Variants in EXOC1L observed in about 807,000 individuals in gnomAD.
EXOC1L encodes the protein exocyst complex component 1 like, also known as exocyst complex component 1-like.
A neutral mutation model predicts 4.9 loss-of-function variants in EXOC1L; 10 were observed. The observed-to-expected ratio is 2.02, with a 90% CI of 1.25 to 3.43. The LOEUF (loss-of-function observed/expected upper bound fraction) is 3.43, where lower values mean the gene tolerates loss of function less well. EXOC1L is among the 30% of genes most tolerant of loss of function. The probability of loss-of-function intolerance (pLI) is 0.00; values close to 1 mark genes in which losing one functional copy is unlikely to be tolerated. For synonymous variants in EXOC1L, 41 were observed against 20.8 expected (o/e 1.97, Z -2.63); for missense variants, 114 against 59.4 (o/e 1.92, Z -3.02).
At chr4:55,825,515 C>T (rs1719856098) in intron 1 of EXOC1L, among the ~76,000 whole-genome samples, 1 of 152,110 alleles carries the variant, frequency 6.6e-6, no homozygotes, top group African/African-American at 2.4e-5. Context: ...AATTACTATG[C>T]AATATTACTT....
Position 55,837,205 on chromosome 4 carries a change from G to A in EXOC1L, c.373G>A (p.Asp125Asn), listed in dbSNP as rs967395514. The A allele has an allele frequency of 7.1e-6, 5 of 701,894 alleles. No homozygotes were observed. Among genetic ancestry groups the A allele is most frequent in the African/African-American group, 5.2e-5 (3 of 57,182 alleles). The allele number at this position is 701,894 out of a possible 1,614,324, so 43.5% of individuals were successfully genotyped here. Residue 125 changes from aspartate to asparagine, a missense_variant, in exon 3 of 3, where the codon GAC (aspartate) becomes AAC (asparagine). Asp to Asn is a conservative substitution (Grantham distance 23). Transcript: ENST00000636125. The part of the protein sequence containing the change: ...NKLNHAYLKK[D>N]LQIVNFDSTY... ...GCTGAATCATGCATATCTTAAAAAG[G>A]ACTTACAGATCGTGAACTTTGATTC...
chr4:55,834,108 CATT>C (rs1720103062), intron 2 of EXOC1L, among the ~76,000 whole-genome samples: 1 of 151,762 alleles, frequency 6.6e-6, no homozygotes, highest in African/African-American at 2.4e-5. Flanking sequence ...TAATAATTTA[CATT>C]ATTACATGTT....
rs1202699962 is a variant in EXOC1L, at chr4:55,837,374, T to A, written c.*23T>A. ...TGAAGCTGTGTACCACATTCCTTCA[T>A]CAGTGACCTATGAAAATGGTTTCCC... On this transcript the variant is annotated 3_prime_UTR_variant, in exon 3 of 3. Coordinates refer to ENST00000636125, the MANE Select transcript of EXOC1L (RefSeq NM_001351574.3). 2.7e-5 allele frequency: 12 copies of A among 451,806 alleles called. No individual in the cohort carries two copies. The highest frequency in any genetic ancestry group is 3.9e-6 in the Non-Finnish European group (1 of 254,496). 28.0% of individuals were successfully genotyped at this position (451,806 alleles called of 1,614,324 possible). A position where few individuals can be genotyped will look rare whatever the true frequency, so the allele number is the denominator to read the frequency against.
chr4:55,827,240 G>C (rs912259491), intron 1 of EXOC1L, among the ~76,000 whole-genome samples: 2 of 152,114 alleles, frequency 1.3e-5, no homozygotes, highest in African/African-American at 4.8e-5. Context: ...TGCTTTTAAT[G>C]ACTTAAAAGT....
At chr4:55,821,060 C>T (rs1719725456) in intron 1 of EXOC1L, among the ~76,000 whole-genome samples, 2 of 152,160 alleles carry the variant, frequency 1.3e-5, no homozygotes, top group Non-Finnish European at 2.9e-5. Context: ...TTTCAGAAAA[C>T]AACTTCTTAT....
At chr4:55,820,981 C>G (rs980382279) in intron 1 of EXOC1L, among the ~76,000 whole-genome samples, 7 of 152,080 alleles carry the variant, frequency 4.6e-5, no homozygotes, top group Non-Finnish European at 8.8e-5. Flanking sequence ...ACTTTTCAGG[C>G]GTTTAGGAGA....
intron 2 of EXOC1L, among the ~76,000 whole-genome samples, chr4:55,833,318 ATATT>A (rs1294942402): frequency 3.9e-5 from 6 of 152,004 alleles, no homozygotes; most frequent in Middle Eastern, 3.4e-3. Flanking sequence ...TCAATTTTGC[ATATT>A]TAGTTTGTCA....
rs543898804 is a variant in EXOC1L at position 55,830,971 on chromosome 4, T to G, written c.122-363T>G. ...CATAAATTAAAATTCCAACGTGTTCTGATAAACACTTGGCACTGACTGTAT... is the reference window on the plus strand; with the variant it reads ...CATAAATTAAAATTCCAACGTGTTCGGATAAACACTTGGCACTGACTGTAT... On this transcript the variant is annotated intron_variant, in intron 1 of 2. Transcript: ENST00000636125. Among the ~76,000 whole-genome samples, 115 of 152,322 alleles carry G rather than the reference T, an allele frequency of 7.5e-4. 1 individual carries two copies. Among genetic ancestry groups the G allele is most frequent in the African/African-American group, 2.6e-3 (110 of 41,576 alleles).
rs993877344 is a variant in EXOC1L at position 55,820,138 on chromosome 4, T to C, written c.112T>C (p.Cys38Arg). ...CTCCGTCCAGGACAGGTATTACCTC[T>C]GTGTGTCAGGTAATCTGTTCCTTCT... ...EFSVQDRYYLCVSVTKKEEVK... is the reference protein window; with the variant it reads ...EFSVQDRYYLRVSVTKKEEVK... Residue 38 changes from cysteine (C) to arginine (R), a missense_variant, in exon 1 of 3, where the codon TGT (cysteine) becomes CGT (arginine). Physicochemically the swap from Cys to Arg is radical, Grantham distance 180. Coordinates refer to ENST00000636125, the MANE Select transcript of EXOC1L (RefSeq NM_001351574.3). The C allele has an allele frequency of 2.5e-6, 1 of 398,832 alleles. No individual in the cohort carries two copies. Among genetic ancestry groups the C allele is most frequent in the Non-Finnish European group, 4.4e-6 (1 of 226,034 alleles). 24.7% of individuals were successfully genotyped at this position (398,832 alleles called of 1,614,324 possible). A position where few individuals can be genotyped will look rare whatever the true frequency, so the allele number is the denominator to read the frequency against.
chr4:55,824,643 G>A lies in EXOC1L; in HGVS notation c.121+4496G>A, dbSNP rs1047715524. On this transcript the variant is annotated intron_variant, in intron 1 of 2. Transcript: ENST00000636125. ...CCCAAAGTGCTGGGATTACAAGCAT[G>A]AGCCACCACACCCAGCCCTATGCAG... Among the ~76,000 whole-genome samples the A allele has an allele frequency of 3.3e-5, 5 of 152,178 alleles. No individual in the cohort carries two copies. In the South Asian group the frequency reaches 1.0e-3, roughly 32 times the overall value.
At chr4:55,825,333 TG>T (rs1350185004) in intron 1 of EXOC1L, among the ~76,000 whole-genome samples, 3 of 152,218 alleles carry the variant, frequency 2.0e-5, no homozygotes, top group Admixed American at 2.0e-4. Flanking sequence ...TAAGAGTAGA[TG>T]CTTTTCTTAA....
rs150867883 is a variant in EXOC1L at position 55,825,841 on chromosome 4, G to A, written c.122-5493G>A. Reference sequence around the variant, plus strand: ...CACACTTCTAATCCCAGCACTTTGGGAGGTCGAGGTGAGCATCCAGATCAC... The same window carrying A: ...CACACTTCTAATCCCAGCACTTTGGAAGGTCGAGGTGAGCATCCAGATCAC... On this transcript the variant is annotated intron_variant, in intron 1 of 2. Transcript: ENST00000636125. 1.0e-2 allele frequency among the ~76,000 whole-genome samples: 1,518 copies of A among 152,142 alleles called. 99 individuals are homozygous for A. The highest frequency in any genetic ancestry group is 0.092 in the Admixed American group (1,408 of 15,262).
chr4:55,819,989 C>CT lies in EXOC1L; in HGVS notation c.-36dup, dbSNP rs535021624. The CT allele has an allele frequency of 5.0e-4, 200 of 398,822 alleles. 5 individuals carry two copies. In the South Asian group the frequency reaches 0.011, roughly 23 times the overall value. 24.7% of individuals were successfully genotyped at this position (398,822 alleles called of 1,614,324 possible). A position where few individuals can be genotyped will look rare whatever the true frequency, so the allele number is the denominator to read the frequency against. On this transcript the variant is annotated 5_prime_UTR_variant, in exon 1 of 3. Coordinates refer to ENST00000636125, the MANE Select transcript of EXOC1L (RefSeq NM_001351574.3). ...GAGCAAAAGGAGAGGAAAGAGTGAG[C>CT]TTGAGCCAAGACATCAGGCCAAGTG...
intron 2 of EXOC1L, among the ~76,000 whole-genome samples, chr4:55,835,004 A>G (rs1411549440): frequency 6.6e-6 from 1 of 151,640 alleles, no homozygotes; most frequent in South Asian, 2.1e-4. Context: ...TTGAGTCCCC[A>G]AAGTCCATTG....
At chr4:55,827,059 C>G (rs1370173281) in intron 1 of EXOC1L, among the ~76,000 whole-genome samples, 1 of 152,118 alleles carries the variant, frequency 6.6e-6, no homozygotes, top group Non-Finnish European at 1.5e-5. Flanking sequence ...TCTGTCCATT[C>G]ACTTTAAATC....
intron 2 of EXOC1L, among the ~76,000 whole-genome samples, chr4:55,836,230 T>G (rs1720157382): frequency 6.6e-6 from 1 of 151,918 alleles, no homozygotes; most frequent in African/African-American, 2.4e-5. Flanking sequence ...CCTCCACTTC[T>G]CCTTTCTTAG....
chr4:55,824,305 A>G (rs908660165), intron 1 of EXOC1L, among the ~76,000 whole-genome samples: 14 of 151,800 alleles, frequency 9.2e-5, no homozygotes, highest in African/African-American at 3.4e-4. Flanking sequence ...ACACACAAAC[A>G]CAAAATGCAT....
Position 55,819,969 on chromosome 4 carries a change from A to G in EXOC1L, c.-58A>G, listed in dbSNP as rs1289071594. The G allele has an allele frequency of 7.5e-6, 3 of 398,006 alleles. No homozygotes were observed. Among genetic ancestry groups the G allele is most frequent in the Non-Finnish European group, 1.3e-5 (3 of 225,620 alleles). 24.7% of individuals were successfully genotyped at this position (398,006 alleles called of 1,614,324 possible). A position where few individuals can be genotyped will look rare whatever the true frequency, so the allele number is the denominator to read the frequency against. On this transcript the variant is annotated 5_prime_UTR_variant, in exon 1 of 3. Transcript: ENST00000636125. ...ACCCAAACGAGAAATCTAGGGAGCA[A>G]AAGGAGAGGAAAGAGTGAGCTTGAG...
chr4:55,824,011 G>T (rs755883822), intron 1 of EXOC1L, among the ~76,000 whole-genome samples: 7 of 151,940 alleles, frequency 4.6e-5, no homozygotes, highest in South Asian at 2.1e-4. Context: ...ATGAAAAGAA[G>T]AAATATAGGA....
Sources: allele counts gnomAD v4.1 joint callset (sites outside exome capture counted in the v4.1 genomes callset), GRCh38; gene constraint gnomAD v4.1.1; transcripts MANE v1.5; gene names NCBI Gene and HGNC (gene_info 2026-07-23, HGNC 2026-07-21).